The following RYR2 variants were observed in gnomAD, a reference collection of about 807,000 sequenced individuals.
RYR2 encodes the protein ryanodine receptor 2.
RYR2 carries 227 observed loss-of-function variants against 601.1 expected under a neutral mutation model. The ratio of observed to expected loss-of-function variants is 0.38; its 90% CI spans 0.34 to 0.42. The LOEUF (loss-of-function observed/expected upper bound fraction) is 0.42. Among genes scored for constraint, RYR2 ranks in the 10% least tolerant of loss-of-function variants. The pLI, the probability that RYR2 is intolerant of heterozygous loss-of-function variation, is 1.00. For missense variants in RYR2, 4,646 were observed against 6,156.5 expected (o/e 0.75, Z 8.21); for synonymous variants, 2,223 against 2,175.1 (o/e 1.02, Z -0.61).
intron 10 of RYR2, 70 bp from the exon 11 acceptor site, chr1:237,416,978 CA>C: frequency 7.1e-7 from 1 of 1,400,188 alleles, no homozygotes; most frequent in Non-Finnish European, 1.0e-6. Context: ...TAATTAGCTT[CA>C]AAAAATTAGA....
intron 1 of RYR2, among the ~76,000 whole-genome samples, chr1:237,142,950 G>A (rs1290345367): frequency 6.6e-6 from 1 of 152,102 alleles, no homozygotes; most frequent in Non-Finnish European, 1.5e-5. Flanking sequence ...ATGCCTGCCT[G>A]AAAAACTGGC....
At chr1:237,779,995 C>T (rs547443700) in intron 88 of RYR2, among the ~76,000 whole-genome samples, 2 of 152,302 alleles carry the variant, frequency 1.3e-5, no homozygotes, top group South Asian at 4.1e-4. Context: ...AGGATTCTGT[C>T]CTCCAGAGTC....
At chr1:237,336,336 A>G (rs1697234346) in intron 3 of RYR2, among the ~76,000 whole-genome samples, 1 of 152,228 alleles carries the variant, frequency 6.6e-6, no homozygotes, top group Admixed American at 6.5e-5. Flanking sequence ...CAGGAAGACA[A>G]TCCAAAACAT....
chr1:237,805,574 C>CTTTTTTTTTTTTTTTTTTTTTTTTTT (rs1553334508), intron 98 of RYR2, among the ~76,000 whole-genome samples: 1 of 100,452 alleles, frequency 1.0e-5, no homozygotes, highest in Non-Finnish European at 1.8e-5. Flanking sequence ...GAGCTAGACT[C>CTTTTTTTTTTTTTTTTTTTTTTTTTT]TGTCTCAAAA....
chr1:237,757,620 G>C, intron 81 of RYR2, 77 bp from the exon 82 acceptor site: 2 of 920,076 alleles, frequency 2.2e-6, no homozygotes, highest in South Asian at 1.4e-5. Context: ...AATTTTAAAA[G>C]TGCAGCATTG....
rs1208920889 is a variant in RYR2, at chr1:237,590,670, T to C, written c.3838T>C (p.Ser1280Pro). The part of the protein sequence containing the change: ...VTRIDGTIDS[S>P]PCLKVTQKSF... ...CAGAATAGACGGCACCATAGACAGT[T>C]CCCCATGTTTAAAGGTCACTCAGAA... The change falls in exon 31 of 105, where the codon TCC (serine) becomes CCC (proline). Residue 1280 changes from serine (S) to proline (P), a missense_variant. By Grantham distance (74) the Ser-to-Pro change is moderately conservative (BLOSUM62 -1). This residue lies in a region of RYR2 where 1,807 missense variants were observed against 2,088.1 expected (regional missense o/e 0.87). Transcript: ENST00000366574. 4 of 1,563,336 alleles carry C rather than the reference T, an allele frequency of 2.6e-6. No homozygotes were observed. The highest frequency in any genetic ancestry group is 1.2e-5 in the South Asian group (1 of 81,756).
intron 1 of RYR2, among the ~76,000 whole-genome samples, chr1:237,243,190 T>C (rs1686397260): frequency 6.6e-6 from 1 of 152,054 alleles, no homozygotes; most frequent in Non-Finnish European, 1.5e-5. Context: ...TAGCTGAGTG[T>C]CCTCTTCCAA....
intron 1 of RYR2, among the ~76,000 whole-genome samples, chr1:237,082,695 TAGTTTCTGTG>T (rs910121642): frequency 4.0e-5 from 6 of 151,786 alleles, no homozygotes; most frequent in African/African-American, 1.4e-4. Context: ...GAGTGCTTGT[TAGTTTCTGTG>T]AGTTTCTTCT....
chr1:237,454,257 C>T (rs374313309), intron 14 of RYR2, 134 bp from the exon 15 acceptor site: 20 of 817,142 alleles, frequency 2.4e-5, no homozygotes, highest in African/African-American at 2.4e-4. Context: ...GCTTTTGGAG[C>T]AGGAGGACCT....
chr1:237,355,890 A>T (rs914221360), intron 3 of RYR2, 75 bp from the exon 4 acceptor site: 80 of 1,320,106 alleles, frequency 6.1e-5, no homozygotes, highest in Non-Finnish European at 7.9e-5. Context: ...ATATCAATTC[A>T]TTTAAATGAC....
At chr1:237,092,514 C>CTT (rs11324799) in intron 1 of RYR2, among the ~76,000 whole-genome samples, 3 of 128,066 alleles carry the variant, frequency 2.3e-5, no homozygotes, top group Admixed American at 7.8e-5. Context: ...CACAGATAGT[C>CTT]TTTTTTTTTT....
At chr1:237,100,112 A>G (rs1481658734) in intron 1 of RYR2, among the ~76,000 whole-genome samples, 2 of 152,262 alleles carry the variant, frequency 1.3e-5, no homozygotes, top group East Asian at 3.9e-4. Context: ...TTAGGTCTCT[A>G]TTGGGACAAG....
intron 84 of RYR2, among the ~76,000 whole-genome samples, chr1:237,764,993 T>A (rs1046719701): frequency 2.0e-5 from 3 of 152,110 alleles, no homozygotes; most frequent in Non-Finnish European, 4.4e-5. Flanking sequence ...CTCTGTCTCC[T>A]TTTTATACTA....
chr1:237,199,811 AC>A (rs1476337268), intron 1 of RYR2, among the ~76,000 whole-genome samples: 5 of 152,216 alleles, frequency 3.3e-5, no homozygotes, highest in Non-Finnish European at 7.3e-5. Flanking sequence ...ATATCTGAAA[AC>A]ATCATCTCAT....
chr1:237,804,855 A>T (rs1477242951), intron 98 of RYR2, among the ~76,000 whole-genome samples: 2 of 152,218 alleles, frequency 1.3e-5, no homozygotes, highest in Non-Finnish European at 2.9e-5. Flanking sequence ...AGAAGGGAAG[A>T]AAAGGAGGGA....
intron 3 of RYR2, among the ~76,000 whole-genome samples, chr1:237,351,996 G>A (rs538188862): frequency 6.6e-6 from 1 of 151,466 alleles, no homozygotes; most frequent in East Asian, 1.9e-4. Context: ...AACCAAGTTG[G>A]GATTCAAAAC....
chr1:237,302,661 G>T (rs1558584232), intron 2 of RYR2, among the ~76,000 whole-genome samples: 1 of 152,140 alleles, frequency 6.6e-6, no homozygotes, highest in East Asian at 1.9e-4. Context: ...TAGGCTAAGA[G>T]AATAGAATCT....
intron 16 of RYR2, among the ~76,000 whole-genome samples, chr1:237,461,921 CAAATA>C (rs1659527998): frequency 6.6e-6 from 1 of 151,832 alleles, no homozygotes; most frequent in Non-Finnish European, 1.5e-5. Context: ...AAAAGGGTAA[CAAATA>C]CAACTTTATA....
chr1:237,078,799 C>T lies in RYR2; in HGVS notation c.48+36230C>T, dbSNP rs544611643. Among the ~76,000 whole-genome samples the T allele has an allele frequency of 1.1e-3, 137 of 120,986 alleles. 3 individuals are homozygous for T. Among genetic ancestry groups the T allele is most frequent in the African/African-American group, 4.2e-3 (132 of 31,692 alleles). The allele number at this position is 120,986 out of a possible 152,430, so 79.4% of individuals were successfully genotyped here. On this transcript the variant is annotated intron_variant, in intron 1 of 104. Coordinates refer to ENST00000366574, the MANE Select transcript of RYR2 (RefSeq NM_001035.3). ...TTATGAGGCCAGCATCATTCTGATACCAAAGCTGGGCAGAGACACAACCCA... is the reference window on the plus strand; with the variant it reads ...TTATGAGGCCAGCATCATTCTGATATCAAAGCTGGGCAGAGACACAACCCA...
Sources: allele counts gnomAD v4.1 joint callset (sites outside exome capture counted in the v4.1 genomes callset), GRCh38; gene constraint gnomAD v4.1.1; regional missense constraint gnomAD v4.1.1; transcripts MANE v1.5; gene names NCBI Gene and HGNC (gene_info 2026-07-23, HGNC 2026-07-21).